Variants in VPS13C observed in about 807,000 individuals in gnomAD.
VPS13C encodes intermembrane lipid transfer protein VPS13C.
In VPS13C, 358 loss-of-function variants were observed where a neutral mutation model predicts 456.8. The observed-to-expected ratio is 0.78, with a 90% CI of 0.72 to 0.86. The LOEUF is 0.86. VPS13C is among the 40% of genes least tolerant of loss of function. The pLI is 0.00. For missense variants in VPS13C, 4,818 were observed against 4,385.4 expected (o/e 1.10, Z -2.79); for synonymous variants, 1,578 against 1,486.7 (o/e 1.06, Z -1.41).
intron 66 of VPS13C, chr15:61,906,729 T>C (rs922463912): frequency 6.3e-6 from 1 of 157,734 alleles, no homozygotes; most frequent in African/African-American, 2.4e-5. Flanking sequence ...GATGGGAGGA[T>C]GGTATATGAA....
chr15:61,962,693 T>C lies in VPS13C; in HGVS notation c.3435+56A>G, dbSNP rs12915585. 98,713 of 1,371,586 alleles carry C rather than the reference T, an allele frequency of 0.072. 3,818 individuals carry two copies. Among genetic ancestry groups the C allele is most frequent in the Middle Eastern group, 0.081 (433 of 5,362 alleles). 85.0% of individuals were successfully genotyped at this position (1,371,586 alleles called of 1,614,324 possible). A position where few individuals can be genotyped will look rare whatever the true frequency, so the allele number is the denominator to read the frequency against. ...TTTTAAAATAAAATACATTTTACAATAGAAGCTCATATTCAGTCATTAAAG... is the reference window on the plus strand; with the variant it reads ...TTTTAAAATAAAATACATTTTACAACAGAAGCTCATATTCAGTCATTAAAG... On this transcript the variant is annotated intron_variant, in intron 33 of 84. Transcript: ENST00000644861.
intron 73 of VPS13C, among the ~76,000 whole-genome samples, chr15:61,879,686 C>T (rs1045476098): frequency 4.6e-5 from 7 of 152,162 alleles, no homozygotes; most frequent in African/African-American, 1.7e-4. Flanking sequence ...ACCTCCACAG[C>T]AACTTTCATA....
chr15:61,901,582 G>C (rs905236964), intron 66 of VPS13C, among the ~76,000 whole-genome samples: 1 of 152,178 alleles, frequency 6.6e-6, no homozygotes, highest in Non-Finnish European at 1.5e-5. Flanking sequence ...ACACCAGTTA[G>C]AATGGCAATC....
intron 74 of VPS13C, among the ~76,000 whole-genome samples, chr15:61,877,380 G>T (rs559821527): frequency 8.1e-6 from 1 of 123,818 alleles, no homozygotes; most frequent in South Asian, 2.5e-4. Flanking sequence ...AAAACATTTT[G>T]TATGCCCTGT....
At chr15:61,893,857 G>GT (rs532482894) in intron 66 of VPS13C, among the ~76,000 whole-genome samples, 2 of 152,008 alleles carry the variant, frequency 1.3e-5, no homozygotes, top group South Asian at 4.2e-4. Context: ...TCTATAAGAT[G>GT]TTTTTTGTAA....
chr15:62,018,792 C>A (rs2047352021), intron 9 of VPS13C, among the ~76,000 whole-genome samples: 1 of 152,126 alleles, frequency 6.6e-6, no homozygotes. Flanking sequence ...CAGGATGCTG[C>A]TGGACTCATA....
At chr15:62,036,675 G>A (rs905752304) in intron 3 of VPS13C, among the ~76,000 whole-genome samples, 1 of 151,902 alleles carries the variant, frequency 6.6e-6, no homozygotes, top group East Asian at 1.9e-4. Context: ...GAAAAAGTGG[G>A]AAACGTCCCT....
At chr15:61,950,607 T>C (rs543737764) in intron 40 of VPS13C, among the ~76,000 whole-genome samples, 190 bp from the exon 41 acceptor site, 149 of 151,176 alleles carry the variant, frequency 9.9e-4, no homozygotes, top group Admixed American at 1.3e-3. Flanking sequence ...TTACATTCCA[T>C]ACAAGCAAAA....
At chr15:61,976,707 T>C (rs2045713459) in intron 24 of VPS13C, among the ~76,000 whole-genome samples, 1 of 152,070 alleles carries the variant, frequency 6.6e-6, no homozygotes. Context: ...TTCATAACTG[T>C]CTACTTAAAT....
intron 19 of VPS13C, among the ~76,000 whole-genome samples, chr15:61,984,471 T>C (rs894583359): frequency 1.3e-5 from 2 of 152,250 alleles, no homozygotes; most frequent in African/African-American, 4.8e-5. Flanking sequence ...CATTTAATTT[T>C]ACAATACCTT....
At chr15:62,053,581 C>T (rs921607285) in intron 1 of VPS13C, among the ~76,000 whole-genome samples, 1 of 152,196 alleles carries the variant, frequency 6.6e-6, no homozygotes. Flanking sequence ...TCACGTTGTT[C>T]TTGCCTTGCT....
At chr15:61,897,026 C>T (rs1028444366) in intron 66 of VPS13C, among the ~76,000 whole-genome samples, 7 of 136,010 alleles carry the variant, frequency 5.1e-5, no homozygotes, top group African/African-American at 1.6e-4. Flanking sequence ...CTCCAACAGA[C>T]CTGCAGCTGA....
Position 61,950,123 on chromosome 15 carries a change from C to T in VPS13C, c.4596+235G>A, listed in dbSNP as rs138028754. Among the ~76,000 whole-genome samples, 326 of 152,316 alleles carry T rather than the reference C, an allele frequency of 2.1e-3. 2 individuals are homozygous for T. The highest frequency in any genetic ancestry group is 7.7e-3 in the African/African-American group (320 of 41,584). On this transcript the variant is annotated intron_variant, in intron 41 of 84. Coordinates refer to ENST00000644861, the MANE Select transcript of VPS13C (RefSeq NM_020821.3). ...TCCCTTTAAGTGTATTATTCACATACTTGTCAAGAAATCTAAGTCAAAACT... is the reference window on the plus strand; with the variant it reads ...TCCCTTTAAGTGTATTATTCACATATTTGTCAAGAAATCTAAGTCAAAACT...
intron 38 of VPS13C, 44 bp downstream of exon 38, chr15:61,954,377 T>G: frequency 6.3e-7 from 1 of 1,582,112 alleles, no homozygotes; most frequent in Non-Finnish European, 8.6e-7. Context: ...CAATATCCAT[T>G]ACTTATTCAC....
intron 3 of VPS13C, among the ~76,000 whole-genome samples, chr15:62,039,350 G>A (rs926549546): frequency 6.6e-6 from 1 of 151,970 alleles, no homozygotes; most frequent in Non-Finnish European, 1.5e-5. Context: ...ATCTAATATT[G>A]TATGTTCTCA....
intron 51 of VPS13C, among the ~76,000 whole-genome samples, chr15:61,927,594 C>T (rs370183835): frequency 2.0e-5 from 3 of 152,128 alleles, no homozygotes; most frequent in Admixed American, 1.3e-4. Context: ...ACACTGTTGG[C>T]GGGACTGTAA....
chr15:61,868,886 A>C, intron 80 of VPS13C, 113 bp from the exon 81 acceptor site: 1 of 868,360 alleles, frequency 1.2e-6, no homozygotes. Flanking sequence ...AATTTTAAAT[A>C]GCTTTCCCCA....
chr15:62,017,637 T>C (rs1218589376), intron 9 of VPS13C, among the ~76,000 whole-genome samples: 1 of 152,186 alleles, frequency 6.6e-6, no homozygotes, highest in Non-Finnish European at 1.5e-5. Context: ...TCTGTTTCAT[T>C]GGTCTGTATC....
chr15:61,904,642 A>G (rs756852380), intron 66 of VPS13C, among the ~76,000 whole-genome samples: 2 of 152,108 alleles, frequency 1.3e-5, no homozygotes, highest in African/African-American at 2.4e-5. Flanking sequence ...GCTGCTTGGT[A>G]TATATCCCAA....
Sources: allele counts gnomAD v4.1 joint callset (sites outside exome capture counted in the v4.1 genomes callset), GRCh38; gene constraint gnomAD v4.1.1; transcripts MANE v1.5; gene names NCBI Gene and HGNC (gene_info 2026-07-23, HGNC 2026-07-21).